GOPC: variants seen among roughly 807,000 people sequenced by gnomAD.
GOPC encodes the protein golgi associated PDZ and coiled-coil motif containing.
In GOPC, 32 loss-of-function variants were observed where a neutral mutation model predicts 51.2. That is an observed-to-expected ratio of 0.63 (90% CI 0.47 to 0.84). The LOEUF (loss-of-function observed/expected upper bound fraction) is 0.84. Ranked by LOEUF, GOPC falls within the 40% of genes least tolerant of loss-of-function variation. The probability of loss-of-function intolerance (pLI) is 0.00; values close to 1 mark genes in which losing one functional copy is unlikely to be tolerated. For synonymous variants in GOPC, 190 were observed against 205.1 expected, an observed-to-expected ratio of 0.93 and a Z score of 0.63; for missense variants, 441 against 555.5, an observed-to-expected ratio of 0.79 and a Z score of 2.07.
chr6:117,574,531 T>G (rs1343575274), intron 4 of GOPC, among the ~76,000 whole-genome samples: 1 of 152,170 alleles, frequency 6.6e-6, no homozygotes, highest in East Asian at 1.9e-4. Context: ...GAATTCCTTA[T>G]GGAAGTTCTG....
intron 1 of GOPC, among the ~76,000 whole-genome samples, chr6:117,588,501 C>T (rs1160085536): frequency 6.6e-6 from 1 of 152,038 alleles, no homozygotes; most frequent in African/African-American, 2.4e-5. Context: ...GTTTTGAACT[C>T]CTGACCTCAA....
Position 117,569,740 on chromosome 6 carries a change from A to C in GOPC, c.913-4T>G. ...GAACACCATGTTCTTTCCCACCCTA[A>C]CAACAACAAAGGGCAGTAAATTAAA... On this transcript the variant is annotated splice_region_variant and splice_polypyrimidine_tract_variant and intron_variant, in intron 6 of 8. Transcript: ENST00000368498. 1 of 1,581,130 alleles carries C rather than the reference A, an allele frequency of 6.3e-7. No individual in the cohort carries two copies. The highest frequency in any genetic ancestry group is 8.6e-7 in the Non-Finnish European group (1 of 1,167,350).
intron 1 of GOPC, among the ~76,000 whole-genome samples, chr6:117,585,254 T>C (rs1780013406): frequency 6.6e-6 from 1 of 152,188 alleles, no homozygotes; most frequent in Non-Finnish European, 1.5e-5. Flanking sequence ...TTTCTAAGAA[T>C]ACACAACAAC....
intron 1 of GOPC, among the ~76,000 whole-genome samples, chr6:117,593,406 A>C (rs1780147939): frequency 6.6e-6 from 1 of 152,176 alleles, no homozygotes; most frequent in South Asian, 2.1e-4. Flanking sequence ...GATGCTTCTC[A>C]CAGACTTATG....
At chr6:117,565,961 CA>C (rs1317518592) in intron 8 of GOPC, among the ~76,000 whole-genome samples, 1 of 152,022 alleles carries the variant, frequency 6.6e-6, no homozygotes, top group East Asian at 1.9e-4. Flanking sequence ...CATCTCATCA[CA>C]AAGAATATTA....
intron 1 of GOPC, among the ~76,000 whole-genome samples, chr6:117,582,463 T>G (rs1488873910): frequency 6.6e-6 from 1 of 151,808 alleles, no homozygotes; most frequent in African/African-American, 2.4e-5. Context: ...AAAAAGGTCT[T>G]TTTACCAATC....
intron 5 of GOPC, among the ~76,000 whole-genome samples, chr6:117,571,841 T>C (rs1005311845): frequency 2.6e-5 from 4 of 152,140 alleles, no homozygotes; most frequent in Non-Finnish European, 5.9e-5. Context: ...AAACCCACTC[T>C]CTCTGTTAGT....
intron 1 of GOPC, among the ~76,000 whole-genome samples, chr6:117,594,697 G>A (rs55949814): frequency 0.022 from 3,353 of 152,244 alleles, 134 homozygotes; most frequent in African/African-American, 0.077. Flanking sequence ...CATATCACCA[G>A]TTCATTATCA....
At chr6:117,565,740 A>G (rs771308194) in intron 8 of GOPC, among the ~76,000 whole-genome samples, 1 of 152,188 alleles carries the variant, frequency 6.6e-6, no homozygotes, top group Non-Finnish European at 1.5e-5. Flanking sequence ...GGCAATAAAT[A>G]TTATCAGTTG....
chr6:117,583,349 T>C (rs1779987460), intron 1 of GOPC, among the ~76,000 whole-genome samples: 1 of 152,224 alleles, frequency 6.6e-6, no homozygotes, highest in Non-Finnish European at 1.5e-5. Flanking sequence ...GAGTTACAAA[T>C]ACCTTCTCCC....
chr6:117,580,507 G>A (rs1779942156), intron 1 of GOPC, among the ~76,000 whole-genome samples: 2 of 152,062 alleles, frequency 1.3e-5, no homozygotes, highest in African/African-American at 2.4e-5. Context: ...GAGAAATGAA[G>A]CTGAATACAA....
rs543294365 is a variant in GOPC at position 117,590,963 on chromosome 6, C to T, written c.285+11041G>A. Among the ~76,000 whole-genome samples the T allele has an allele frequency of 2.6e-5, 4 of 152,294 alleles. No individual in the cohort carries two copies. In the South Asian group the frequency reaches 8.3e-4, roughly 32 times the overall value. On this transcript the variant is annotated intron_variant, in intron 1 of 8. Coordinates refer to ENST00000368498, the MANE Select transcript of GOPC (RefSeq NM_020399.4). ...CACCTCCCAGGTTCAAGCGATTCTC[C>T]TGCCTCAGCCTCCCGAGTAGCTGGG...
Position 117,579,052 on chromosome 6 carries a change from C to G in GOPC, c.298G>C (p.Asp100His), listed in dbSNP as rs1268221962. Reference sequence around the variant, plus strand: ...GTTTCTGTCAGTTCAGATTTCAGATCCACCAACTGTGCCTTATAAAGAAAA... The same window carrying G: ...GTTTCTGTCAGTTCAGATTTCAGATGCACCAACTGTGCCTTATAAAGAAAA... Reference protein sequence around the residue: ...INHKLEAQLVDLKSELTETQA... With the variant: ...INHKLEAQLVHLKSELTETQA... Residue 100 changes from aspartate (D) to histidine (H), a missense_variant, in exon 2 of 9, where the codon GAT becomes CAT. By Grantham distance (81) the Asp-to-His change is moderately conservative. This residue lies in a region of GOPC where 204 missense variants were observed against 219.8 expected (regional missense o/e 0.93). Coordinates refer to ENST00000368498, the MANE Select transcript of GOPC (RefSeq NM_020399.4). 6.2e-7 allele frequency: 1 copy of G among 1,604,670 alleles called. No homozygotes were observed. The highest frequency in any genetic ancestry group is 8.5e-7 in the Non-Finnish European group (1 of 1,176,700).
Position 117,602,366 on chromosome 6 carries a change from G to C in GOPC, c.-78C>G, listed in dbSNP as rs1010464346. The C allele has an allele frequency of 2.1e-6, 3 of 1,412,832 alleles. No homozygotes were observed. Among genetic ancestry groups the C allele is most frequent in the African/African-American group, 1.4e-5 (1 of 69,216 alleles). The allele number at this position is 1,412,832 out of a possible 1,614,324, so 87.5% of individuals were successfully genotyped here. A position where few individuals can be genotyped will look rare whatever the true frequency, so the allele number is the denominator to read the frequency against. ...CACGAAGGGAACTGCTGGGACTGAG[G>C]GGACCCCCGCGCGCGCGGGCACACT... On this transcript the variant is annotated 5_prime_UTR_variant, in exon 1 of 9. Coordinates refer to ENST00000368498, the MANE Select transcript of GOPC (RefSeq NM_020399.4).
At chr6:117,599,250 G>A (rs1454552533) in intron 1 of GOPC, among the ~76,000 whole-genome samples, 1 of 152,000 alleles carries the variant, frequency 6.6e-6, no homozygotes, top group Admixed American at 6.6e-5. Context: ...TGAATGTCAC[G>A]TTTGTCATAT....
chr6:117,571,965 A>T (rs1263778545), intron 5 of GOPC, among the ~76,000 whole-genome samples: 1 of 151,988 alleles, frequency 6.6e-6, no homozygotes, highest in Non-Finnish European at 1.5e-5. Context: ...TTGGCCTCCT[A>T]TTCTTTTTAC....
chr6:117,597,882 C>A (rs568981689), intron 1 of GOPC, among the ~76,000 whole-genome samples: 7 of 148,334 alleles, frequency 4.7e-5, no homozygotes, highest in South Asian at 2.1e-4. Context: ...TATATTTCCA[C>A]AACAGATGAA....
At chr6:117,591,466 A>C (rs1780115715) in intron 1 of GOPC, among the ~76,000 whole-genome samples, 1 of 152,228 alleles carries the variant, frequency 6.6e-6, no homozygotes, top group Admixed American at 6.5e-5. Context: ...AATGTAACAA[A>C]TCTAAAAGTA....
chr6:117,592,409 A>G (rs1350380461), intron 1 of GOPC, among the ~76,000 whole-genome samples: 6 of 152,220 alleles, frequency 3.9e-5, no homozygotes, highest in East Asian at 1.9e-4. Context: ...AAACAACAAC[A>G]TAAGTTTATT....
Sources: allele counts gnomAD v4.1 joint callset (sites outside exome capture counted in the v4.1 genomes callset), GRCh38; gene constraint gnomAD v4.1.1; regional missense constraint gnomAD v4.1.1; transcripts MANE v1.5; gene names NCBI Gene and HGNC (gene_info 2026-07-23, HGNC 2026-07-21).